DACH2: variants seen among roughly 807,000 people sequenced by gnomAD.
DACH2 encodes the protein dachshund family transcription factor 2, also known as dachshund homolog 2.
DACH2 carries 17 observed loss-of-function variants against 35.8 expected under a neutral mutation model. The ratio of observed to expected loss-of-function variants is 0.48; its 90% confidence interval spans 0.33 to 0.71. The LOEUF (loss-of-function observed/expected upper bound fraction) is 0.71. Ranked by LOEUF, DACH2 falls within the 30% of genes least tolerant of loss-of-function variation. DACH2 has a pLI of 0.02. For missense variants in DACH2, 469 were observed against 472.7 expected (o/e 0.99, Z 0.07); for synonymous variants, 195 against 177.3 (o/e 1.10, Z -0.79).
At chrX:86,150,100 TTC>T (rs1347709038) in intron 1 of DACH2, among the ~76,000 whole-genome samples, 1 of 108,587 alleles carries the variant, frequency 9.2e-6, no homozygotes, top group African/African-American at 3.3e-5. Flanking sequence ...TGTTCAATGT[TTC>T]TGAGTTTAAA....
chrX:86,623,194 T>A (rs770103461), intron 3 of DACH2, among the ~76,000 whole-genome samples: 84 of 111,892 alleles, frequency 7.5e-4, no homozygotes, highest in Non-Finnish European at 1.4e-3. Context: ...ATAATTATAA[T>A]AAAAGGCAAA....
At chrX:86,359,084 C>CTTATGTGT (rs200413091) in intron 1 of DACH2, among the ~76,000 whole-genome samples, 11,894 of 98,153 alleles carry the variant, frequency 0.12, 815 homozygotes, top group East Asian at 0.45. Context: ...TATATTTTGT[C>CTTATGTGT]GTGTGTGTGT....
chrX:86,461,066 T>C (rs1334704723), intron 2 of DACH2, among the ~76,000 whole-genome samples: 1 of 111,454 alleles, frequency 9.0e-6, no homozygotes, highest in Non-Finnish European at 1.9e-5. Flanking sequence ...CAAGCAGTTA[T>C]ATATTAACAC....
At chrX:86,400,887 G>A (rs2036413877) in intron 2 of DACH2, among the ~76,000 whole-genome samples, 2 of 112,154 alleles carry the variant, frequency 1.8e-5, no homozygotes, top group African/African-American at 6.5e-5. Flanking sequence ...GCTGGCAGAA[G>A]CACTACTCTC....
chrX:86,760,344 G>A (rs1018655113), intron 7 of DACH2, among the ~76,000 whole-genome samples: 6 of 111,338 alleles, frequency 5.4e-5, no homozygotes, highest in African/African-American at 2.0e-4. Flanking sequence ...TTGAATATTT[G>A]ATCATTTTAT....
At chrX:86,587,657 G>A (rs1252710620) in intron 3 of DACH2, among the ~76,000 whole-genome samples, 1 of 111,624 alleles carries the variant, frequency 9.0e-6, no homozygotes, top group Non-Finnish European at 1.9e-5. Flanking sequence ...TTGTTCAAAT[G>A]GTTGTTGGCT....
At chrX:86,653,096 G>C (rs1271953671) in intron 4 of DACH2, among the ~76,000 whole-genome samples, 1 of 111,888 alleles carries the variant, frequency 8.9e-6, no homozygotes, top group African/African-American at 3.3e-5. Context: ...TCCACTTTGA[G>C]TTGATTTTTG....
At chrX:86,569,746 T>C (rs2148330867) in intron 3 of DACH2, among the ~76,000 whole-genome samples, 1 of 111,833 alleles carries the variant, frequency 8.9e-6, no homozygotes, top group East Asian at 2.8e-4. Context: ...AAATGGGATC[T>C]AATTAAACTA....
intron 1 of DACH2, among the ~76,000 whole-genome samples, chrX:86,222,922 A>G (rs1484513121): frequency 9.0e-6 from 1 of 111,329 alleles, no homozygotes; most frequent in Non-Finnish European, 1.9e-5. Context: ...AATGACAAAC[A>G]GAGGAAGAAT....
At chrX:86,222,256 C>T (rs2032729142) in intron 1 of DACH2, among the ~76,000 whole-genome samples, 1 of 112,060 alleles carries the variant, frequency 8.9e-6, no homozygotes, top group Admixed American at 9.5e-5. Flanking sequence ...CAAATATTAG[C>T]AGGATGGGCT....
intron 3 of DACH2, among the ~76,000 whole-genome samples, chrX:86,555,841 G>T (rs753254583): frequency 6.3e-5 from 7 of 111,536 alleles, no homozygotes; most frequent in African/African-American, 2.3e-4. Flanking sequence ...GGATTTTAAT[G>T]CAGTACCAGG....
intron 3 of DACH2, among the ~76,000 whole-genome samples, chrX:86,529,967 A>ACG: frequency 1.9e-5 from 1 of 51,869 alleles, no homozygotes; most frequent in African/African-American, 6.2e-5. Flanking sequence ...ACACACACAC[A>ACG]CACACACACG....
At chrX:86,604,932 C>T in intron 3 of DACH2, among the ~76,000 whole-genome samples, 1 of 111,743 alleles carries the variant, frequency 8.9e-6, no homozygotes, top group Middle Eastern at 4.6e-3. Context: ...GAGCTAAATC[C>T]TATCACTGGC....
intron 2 of DACH2, among the ~76,000 whole-genome samples, chrX:86,398,209 G>T (rs1259598765): frequency 8.9e-6 from 1 of 112,075 alleles, no homozygotes; most frequent in Non-Finnish European, 1.9e-5. Context: ...ATGGTAGTTT[G>T]TATTTCTGTG....
chrX:86,753,784 TATG>T lies in DACH2; in HGVS notation c.1240+13905_1240+13907del, dbSNP rs2041798951. Among the ~76,000 whole-genome samples, 4 of 110,977 alleles carry T rather than the reference TATG, an allele frequency of 3.6e-5. 1 individual carries two copies. The Admixed American group carries it at 3.9e-4, about 11-fold the overall frequency. On this transcript the variant is annotated intron_variant, in intron 7 of 11. Coordinates refer to ENST00000373125, the MANE Select transcript of DACH2 (RefSeq NM_053281.3). ...TCTTCAGAGTAAAGTTGTGTTTGTT[TATG>T]ATAAGAGAGCGCTACTGACCTGAAG...
At chrX:86,276,728 G>T (rs1012178957) in intron 1 of DACH2, among the ~76,000 whole-genome samples, 1 of 111,915 alleles carries the variant, frequency 8.9e-6, no homozygotes, top group Non-Finnish European at 1.9e-5. Flanking sequence ...TAGAGATCTG[G>T]TTTCATTCTT....
At chrX:86,773,880 T>C (rs1166931917) in intron 7 of DACH2, among the ~76,000 whole-genome samples, 1 of 112,059 alleles carries the variant, frequency 8.9e-6, no homozygotes, top group Admixed American at 9.5e-5. Context: ...GCTCTAATCA[T>C]TGTAGAAAAT....
At chrX:86,556,773 TATATATATATATATATATATATAG>T (rs1230895972) in intron 3 of DACH2, among the ~76,000 whole-genome samples, 15 of 55,893 alleles carry the variant, frequency 2.7e-4, no homozygotes, top group African/African-American at 3.8e-4. Flanking sequence ...TATATATATA[TATATATATATATATATATATATAG>T]AGAGAGAGAG....
intron 1 of DACH2, among the ~76,000 whole-genome samples, chrX:86,312,875 G>T (rs2034828712): frequency 9.0e-6 from 1 of 111,402 alleles, no homozygotes; most frequent in Non-Finnish European, 1.9e-5. Context: ...TAGAAGTACA[G>T]AGTAGAATAG....
Sources: gnomAD v4.1 joint callset for allele counts (sites outside exome capture counted in the v4.1 genomes callset) on GRCh38, gnomAD v4.1.1 for gene constraint, MANE v1.5 for transcripts, NCBI Gene and HGNC (gene_info 2026-07-23, HGNC 2026-07-21) for gene names.